The following SCN1A variants were observed in gnomAD, a reference collection of about 807,000 sequenced individuals.
SCN1A encodes the protein sodium channel protein type 1 subunit alpha.
SCN1A carries 13 observed loss-of-function variants against 193.7 expected under a neutral mutation model. The ratio of observed to expected loss-of-function variants is 0.07; its 90% CI spans 0.04 to 0.11. The LOEUF is 0.11. SCN1A is among the 10% of genes least tolerant of loss of function. The pLI is 1.00. For missense variants in SCN1A, 1,432 were observed against 2,451.1 expected, an observed-to-expected ratio of 0.58 and a Z score of 8.78; for synonymous variants, 781 against 843.6, an observed-to-expected ratio of 0.93 and a Z score of 1.29.
chr2:166,022,478 T>C (rs1034167407), intron 19 of SCN1A, among the ~76,000 whole-genome samples: 2 of 152,226 alleles, frequency 1.3e-5, no homozygotes, highest in African/African-American at 4.8e-5. Flanking sequence ...ACTTGAAGAA[T>C]TGACAGTATG....
chr2:166,048,914 G>T lies in SCN1A; in HGVS notation c.1000C>A (p.Leu334Ile). 6.2e-7 allele frequency: 1 copy of T among 1,606,502 alleles called. No homozygotes were observed. Among genetic ancestry groups the T allele is most frequent in the Non-Finnish European group, 8.5e-7 (1 of 1,173,754 alleles). Residue 334 changes from leucine to isoleucine, a missense_variant, in exon 10 of 29, where the codon CTA becomes ATA. By Grantham distance (5) the Leu-to-Ile change is conservative. This residue lies in a region of SCN1A where 52 missense variants were observed against 59.6 expected (regional missense o/e 0.87). Coordinates refer to ENST00000674923, the MANE Select transcript of SCN1A (RefSeq NM_001165963.4). Reference sequence around the variant, plus strand: ...GCATCAGAGCTATTTCCACATAGTAGTGCATCTAAAAAACCCTCCAGGAAA... The same window carrying T: ...GCATCAGAGCTATTTCCACATAGTATTGCATCTAAAAAACCCTCCAGGAAA... ...HYFLEGFLDA[L>I]LCGNSSDAGQ...
At chr2:166,060,407 A>G (rs1241857544) in intron 4 of SCN1A, 3 of 152,188 alleles carry the variant, frequency 2.0e-5, no homozygotes, top group Non-Finnish European at 4.4e-5. Context: ...AGACTTGTGC[A>G]ATGCAAATGC....
At chr2:166,055,713 T>C (rs1183712081) in intron 6 of SCN1A, among the ~76,000 whole-genome samples, 1 of 151,996 alleles carries the variant, frequency 6.6e-6, no homozygotes, top group Non-Finnish European at 1.5e-5. Flanking sequence ...ATAGGAAGTG[T>C]GGGCAGGTGA....
At position 166,013,732 on chromosome 2, in the gene SCN1A, A is replaced by C. The variant is rs147032678; in HGVS notation, c.3705+12T>G. 541 of 1,610,598 alleles carry C rather than the reference A, an allele frequency of 3.4e-4. 2 individuals are homozygous for C. In the African/African-American group the frequency reaches 6.4e-3, roughly 19 times the overall value. On this transcript the variant is annotated intron_variant, in intron 21 of 28. Transcript: ENST00000674923. The stretch of plus-strand genomic sequence containing the variant: ...AATTAGTGCTGTATCACCTTTTCTT[A>C]ATCTCACTCACCAGAGCACCACTAC...
chr2:165,993,929 T>C (rs970138703), intron 28 of SCN1A: 3 of 581,690 alleles, frequency 5.2e-6, no homozygotes, highest in Non-Finnish European at 9.1e-6. Context: ...TTTTACTACA[T>C]TTACACTAAG....
At chr2:165,999,446 T>C (rs372507345) in intron 25 of SCN1A, among the ~76,000 whole-genome samples, 2 of 151,536 alleles carry the variant, frequency 1.3e-5, no homozygotes, top group Non-Finnish European at 3.0e-5. Flanking sequence ...TGTGGATAAA[T>C]AGGAAACAAA....
intron 15 of SCN1A, 90 bp downstream of exon 15, chr2:166,042,202 C>T (rs966167654): frequency 1.4e-5 from 18 of 1,313,134 alleles, no homozygotes; most frequent in African/African-American, 1.3e-4. Flanking sequence ...TTAGAATGCA[C>T]TATTCCCAAC....
At chr2:166,015,870 G>C in intron 19 of SCN1A, 143 bp from the exon 20 acceptor site, 1 of 859,598 alleles carries the variant, frequency 1.2e-6, no homozygotes, top group Non-Finnish European at 1.8e-6. Context: ...ATTGAATAAG[G>C]GGAAGAAATA....
Position 166,009,841 on chromosome 2 carries a change from C to A in SCN1A, c.3880G>T (p.Val1294Phe), listed in dbSNP as rs1692186944. The part of the protein sequence containing the change: ...WCWLDFLIVD[V>F]SLVSLTANAL... ...TTTGCTGTTAAACTGACCAATGAAA[C>A]CTGCACACACAAAAATAATAACAAT... Residue 1294 changes from valine to phenylalanine, a missense_variant and splice_region_variant, in exon 23 of 29, where the codon GTT becomes TTT. By Grantham distance (50) the Val-to-Phe change is conservative (BLOSUM62 -1). This residue lies in a region of SCN1A where 107 missense variants were observed against 259.4 expected (regional missense o/e 0.41). Coordinates refer to ENST00000674923, the MANE Select transcript of SCN1A (RefSeq NM_001165963.4). 3 of 1,605,400 alleles carry A rather than the reference C, an allele frequency of 1.9e-6. No individual in the cohort carries two copies. The highest frequency in any genetic ancestry group is 1.7e-6 in the Non-Finnish European group (2 of 1,173,878).
chr2:166,123,602 C>A (rs1690883493), intron 2 of SCN1A: 1 of 152,146 alleles, frequency 6.6e-6, no homozygotes, highest in African/African-American at 2.4e-5. Flanking sequence ...TGGATCAGTT[C>A]TTTTCAACAT....
rs1304520227 is a variant in SCN1A, at chr2:165,991,560, T to A, written c.5715A>T (p.Pro1905=). The change falls in exon 29 of 29, where the codon CCA becomes CCT. Residue 1905 remains proline, a synonymous_variant. Coordinates refer to ENST00000674923, the MANE Select transcript of SCN1A (RefSeq NM_001165963.4). ...GTTTTCGTTTTAAAGTAGTAGTGAT[T>A]GGCTGATAGGAGACCTTGGAAGGAT... ...ASNPSKVSYQ[P]ITTTLKRKQE... is the part of the protein sequence containing the mutation. 2.5e-6 allele frequency: 4 copies of A among 1,613,862 alleles called. No homozygotes were observed. The highest frequency in any genetic ancestry group is 3.4e-6 in the Non-Finnish European group (4 of 1,179,930).
intron 4 of SCN1A, chr2:166,060,620 G>A (rs1238562525): frequency 1.3e-5 from 2 of 152,068 alleles, no homozygotes; most frequent in Non-Finnish European, 2.9e-5. Context: ...CACTTTGGGA[G>A]GCCAAAGTGG....
rs1689327411 is a variant in SCN1A at position 165,992,253 on chromosome 2, G to A, written c.5022C>T (p.Gly1674=). Residue 1674 remains glycine (G), a synonymous_variant, in exon 29 of 29, where the codon GGC becomes GGT. Coordinates refer to ENST00000674923, the MANE Select transcript of SCN1A (RefSeq NM_001165963.4). This position sits in a 1 kb window ranked among gnomAD's most constrained non-coding sequence, Gnocchi z 6.5. ...MMSLPALFNI[G]LLLFLVMFIY... ...TGAACATGACTAGGAAGAGTAGGAG[G>A]CCGATGTTAAACAACGCAGGAAGGG... The A allele has an allele frequency of 6.2e-7, 1 of 1,613,824 alleles. No homozygotes were observed. Among genetic ancestry groups the A allele is most frequent in the Non-Finnish European group, 8.5e-7 (1 of 1,179,896 alleles).
intron 4 of SCN1A, among the ~76,000 whole-genome samples, chr2:166,066,276 A>G (rs1253886609): frequency 6.6e-6 from 1 of 152,136 alleles, no homozygotes; most frequent in East Asian, 1.9e-4. Context: ...TGTACATACC[A>G]TGGGTCTGCT....
At chr2:166,149,145 G>C (rs1226600169) in exon 1 of SCN1A, 1 of 152,282 alleles carries the variant, frequency 6.6e-6, no homozygotes, top group Non-Finnish European at 1.5e-5. Context: ...CAGGCCAGCA[G>C]TGTGTCTCCT....
chr2:166,143,193 G>T (rs10803806), intron 1 of SCN1A, among the ~76,000 whole-genome samples: 114,873 of 142,514 alleles, frequency 0.81, 46,854 homozygotes, highest in African/African-American at 0.94. Flanking sequence ...TTGAGATGGA[G>T]TTTCGCTCTG....
At chr2:166,058,769 A>G (rs1228181068) in intron 4 of SCN1A, 81 bp from the exon 5 acceptor site, 1 of 835,972 alleles carries the variant, frequency 1.2e-6, no homozygotes, top group Admixed American at 1.8e-5. Flanking sequence ...TACTTGTCAT[A>G]ATAAATTATT....
intron 16 of SCN1A, among the ~76,000 whole-genome samples, 187 bp from the exon 17 acceptor site, chr2:166,039,783 C>G (rs190410821): frequency 6.6e-6 from 1 of 151,922 alleles, no homozygotes; most frequent in Non-Finnish European, 1.5e-5. Context: ...CTTGTGGAAA[C>G]GCGAAGTAGA....
At chr2:166,102,292 C>A (rs1436929366) in intron 2 of SCN1A, among the ~76,000 whole-genome samples, 3 of 151,872 alleles carry the variant, frequency 2.0e-5, no homozygotes, top group African/African-American at 7.2e-5. Context: ...GTCAGGATAT[C>A]GAGACCATCC....
Sources: gnomAD v4.1 joint callset for allele counts (sites outside exome capture counted in the v4.1 genomes callset) on GRCh38, gnomAD v4.1.1 for gene constraint, gnomAD v4.1.1 regional missense constraint, Gnocchi (gnomAD v3.1) non-coding constraint, MANE v1.5 for transcripts, NCBI Gene and HGNC (gene_info 2026-07-23, HGNC 2026-07-21) for gene names.